Variants in TENM2 observed in about 807,000 individuals in gnomAD.
TENM2 encodes teneurin-2.
Under a neutral mutation model 245.2 loss-of-function variants are expected in TENM2, and 52 were observed. The observed-to-expected ratio is 0.21, with a 90% CI of 0.17 to 0.27. The LOEUF is 0.27. Ranked by LOEUF, TENM2 falls within the 10% of genes least tolerant of loss-of-function variation. The pLI is 1.00. For synonymous variants in TENM2, 1,363 were observed against 1,438.9 expected (o/e 0.95, Z 1.19); for missense variants, 3,046 against 3,666.8 (o/e 0.83, Z 4.37).
the TENM2 span, among the ~76,000 whole-genome samples, chr5:167,199,969 G>C: frequency 6.6e-6 from 1 of 152,034 alleles, no homozygotes; most frequent in African/African-American, 2.4e-5. Flanking sequence ...GAGTAGAAAG[G>C]GGGTACAAAC....
At chr5:167,512,309 A>T (rs1770018496) in intron 2 of TENM2, among the ~76,000 whole-genome samples, 1 of 152,204 alleles carries the variant, frequency 6.6e-6, no homozygotes, top group Admixed American at 6.5e-5. Context: ...CACTAAAAGA[A>T]TTTGGCATGG....
At chr5:167,321,782 C>CTTTTTTTTTTTTTT (rs1191717159) in intron 1 of TENM2, among the ~76,000 whole-genome samples, 7 of 59,738 alleles carry the variant, frequency 1.2e-4, no homozygotes, top group Non-Finnish European at 1.5e-4. Flanking sequence ...GCTGCCTTGG[C>CTTTTTTTTTTTTTT]TTATTTTTTT....
intron 3 of TENM2, among the ~76,000 whole-genome samples, chr5:167,926,048 T>G (rs248135): frequency 0.33 from 50,799 of 151,840 alleles, 11,149 homozygotes; most frequent in African/African-American, 0.64. Flanking sequence ...TACAACAAAC[T>G]CCCAAGACAC....
chr5:168,191,580 G>A (rs1465385307), intron 14 of TENM2, among the ~76,000 whole-genome samples: 1 of 152,058 alleles, frequency 6.6e-6, no homozygotes, highest in Non-Finnish European at 1.5e-5. Flanking sequence ...TAGGAACTTG[G>A]GTAGGATGGT....
At chr5:167,303,686 TG>T (rs1346562982) in intron 1 of TENM2, among the ~76,000 whole-genome samples, 1 of 152,210 alleles carries the variant, frequency 6.6e-6, no homozygotes, top group African/African-American at 2.4e-5. Context: ...ACAGTGGGTC[TG>T]TATCTCCTTT....
intron 13 of TENM2, among the ~76,000 whole-genome samples, chr5:168,177,035 G>C (rs2152482572): frequency 6.6e-6 from 1 of 152,310 alleles, no homozygotes; most frequent in East Asian, 1.9e-4. Context: ...AGGTATGCAA[G>C]CCTCATAATC....
At chr5:167,592,596 G>T (rs956869953) in intron 2 of TENM2, among the ~76,000 whole-genome samples, 1 of 152,082 alleles carries the variant, frequency 6.6e-6, no homozygotes, top group African/African-American at 2.4e-5. Flanking sequence ...TTACACAAAT[G>T]GTGCCTCCAA....
chr5:167,041,560 G>A, the TENM2 span, among the ~76,000 whole-genome samples: 1 of 152,154 alleles, frequency 6.6e-6, no homozygotes, highest in Non-Finnish European at 1.5e-5. Flanking sequence ...ACATCAAAAT[G>A]TTGTGAACAA....
At chr5:167,486,327 T>A (rs76159491) in intron 2 of TENM2, among the ~76,000 whole-genome samples, 1 of 133,292 alleles carries the variant, frequency 7.5e-6, no homozygotes, top group African/African-American at 2.6e-5. Context: ...TTTTCTTTTC[T>A]TTTTTTTTTT....
intron 2 of TENM2, among the ~76,000 whole-genome samples, chr5:167,427,451 A>G (rs1204920301): frequency 6.6e-6 from 1 of 150,862 alleles, no homozygotes; most frequent in Non-Finnish European, 1.5e-5. Context: ...GAAACATCTC[A>G]GGAAAAAAAG....
intron 15 of TENM2, among the ~76,000 whole-genome samples, chr5:168,198,294 C>G (rs111293251): frequency 0.027 from 3,990 of 146,222 alleles, 198 homozygotes; most frequent in East Asian, 0.26. Flanking sequence ...CTCCCAGGTT[C>G]AAGCAATTCT....
chr5:167,045,897 T>G, the TENM2 span, among the ~76,000 whole-genome samples: 1 of 152,188 alleles, frequency 6.6e-6, no homozygotes, highest in South Asian at 2.1e-4. Context: ...CTTCTTCATT[T>G]GTACCTGAGG....
intron 2 of TENM2, among the ~76,000 whole-genome samples, chr5:167,486,493 T>C (rs1375760446): frequency 6.6e-6 from 1 of 151,988 alleles, no homozygotes; most frequent in African/African-American, 2.4e-5. Context: ...CACGCCCAGC[T>C]AATTTTTTGT....
At chr5:167,927,616 G>A (rs1411677133) in intron 3 of TENM2, among the ~76,000 whole-genome samples, 4 of 152,170 alleles carry the variant, frequency 2.6e-5, no homozygotes, top group African/African-American at 9.7e-5. Flanking sequence ...CCTTGAGCAA[G>A]TGGTTTGCAT....
chr5:168,055,494 A>G (rs1325428605), intron 6 of TENM2, among the ~76,000 whole-genome samples: 1 of 152,192 alleles, frequency 6.6e-6, no homozygotes, highest in Non-Finnish European at 1.5e-5. Flanking sequence ...GTATCTTAAT[A>G]CATGTGACCT....
chr5:167,102,889 A>C, the TENM2 span, among the ~76,000 whole-genome samples: 5 of 152,240 alleles, frequency 3.3e-5, no homozygotes, highest in East Asian at 9.7e-4. Flanking sequence ...CAAACTCTTG[A>C]CCTCAAGTGA....
At chr5:167,860,127 G>A (rs1771609040) in intron 2 of TENM2, among the ~76,000 whole-genome samples, 3 of 82,596 alleles carry the variant, frequency 3.6e-5, no homozygotes, top group South Asian at 1.2e-3. Flanking sequence ...CTGCCTGGCC[G>A]CCCCTACTGG....
chr5:167,497,689 C>T (rs1044956096), intron 2 of TENM2, among the ~76,000 whole-genome samples: 1 of 152,040 alleles, frequency 6.6e-6, no homozygotes, highest in African/African-American at 2.4e-5. Context: ...GGGTAGGTAT[C>T]GCACTGCTAA....
At chr5:168,169,456 A>T (rs992314359) in intron 13 of TENM2, among the ~76,000 whole-genome samples, 2 of 152,194 alleles carry the variant, frequency 1.3e-5, no homozygotes, top group Admixed American at 6.5e-5. Context: ...CACTCCAGCC[A>T]GGTCTAAATG....
Sources: allele counts gnomAD v4.1 joint callset (sites outside exome capture counted in the v4.1 genomes callset), GRCh38; gene constraint gnomAD v4.1.1; transcripts MANE v1.5; gene names NCBI Gene and HGNC (gene_info 2026-07-23, HGNC 2026-07-21).